The following MEF2B variants were observed in gnomAD, a reference collection of about 807,000 sequenced individuals.
The protein encoded by MEF2B is myocyte-specific enhancer factor 2B.
In MEF2B, 15 loss-of-function variants were observed where a neutral mutation model predicts 32.2. That is an observed-to-expected ratio of 0.47 (90% CI 0.31 to 0.72). MEF2B has a LOEUF of 0.72. Ranked by LOEUF, MEF2B falls within the 30% of genes least tolerant of loss-of-function variation. The pLI, the probability that MEF2B is intolerant of heterozygous loss-of-function variation, is 0.05. For missense variants in MEF2B, 441 were observed against 511.5 expected, an observed-to-expected ratio of 0.86 and a Z score of 1.33; for synonymous variants, 205 against 225.6, an observed-to-expected ratio of 0.91 and a Z score of 0.82.
intron 8 of MEF2B, 69 bp from the exon 9 acceptor site, chr19:19,146,091 A>G: frequency 7.7e-7 from 1 of 1,306,868 alleles, no homozygotes; most frequent in Non-Finnish European, 1.0e-6. Context: ...GGGATGGCAC[A>G]GCGTGGGCAA....
chr19:19,147,065 CG>C lies in MEF2B; in HGVS notation c.511del (p.Arg171AspfsTer52). ...GGGCCCGGCTTTGGGGGCTGCTGGT[CG>C]GAAGGGAGATGGGCGGCTCTGGGCG... is the stretch of plus-strand genomic sequence containing the variant. ...LPAQSRPSPFRPAAPKAGPPG... is the reference protein window; with the variant it reads ...LPAQSRPSPFXPAAPKAGPPG... On this transcript the variant is annotated frameshift_variant, in exon 5 of 9. Coordinates refer to ENST00000424583, the MANE Select transcript of MEF2B (RefSeq NM_001145785.2). LOFTEE classifies it high-confidence loss of function. 6.2e-7 allele frequency: 1 copy of C among 1,607,388 alleles called. No individual in the cohort carries two copies.
rs1406012133 is a variant in MEF2B at position 19,146,611 on chromosome 19, G to C, written c.713C>G (p.Thr238Ser). The change falls in exon 7 of 9, where the codon ACT becomes AGT. Residue 238 changes from threonine (T) to serine (S), a missense_variant. Around this residue, in one of 2 missense-constraint regions of MEF2B, gnomAD observed 326 missense variants for 328.4 expected, o/e 0.99. Transcript: ENST00000424583. Reference protein sequence around the residue: ...LYSGLQNPCSTATPGPPLGSF... With the variant: ...LYSGLQNPCSSATPGPPLGSF... ...CCCCAGTGGGGGTCCGGGAGTTGCA[G>C]TGGAGCAGGGGTTCTGCAGGCCACT... 6 of 1,609,684 alleles carry C rather than the reference G, an allele frequency of 3.7e-6. No homozygotes were observed. The highest frequency in any genetic ancestry group is 3.4e-5 in the Admixed American group (2 of 58,796).
At chr19:19,148,203 C>G (rs1341854171) in intron 3 of MEF2B, among the ~76,000 whole-genome samples, 1 of 152,258 alleles carries the variant, frequency 6.6e-6, no homozygotes, top group Non-Finnish European at 1.5e-5. Context: ...GTGGCTCACG[C>G]CTACAATCCC....
At position 19,147,689 on chromosome 19, in the gene MEF2B, G is replaced by A. The variant is rs1299337797; in HGVS notation, c.393+9C>T. 3 of 1,612,366 alleles carry A rather than the reference G, an allele frequency of 1.9e-6. No homozygotes were observed. Among genetic ancestry groups the A allele is most frequent in the Non-Finnish European group, 2.5e-6 (3 of 1,179,058 alleles). ...AATGCCTCATTCACAGGGCCAGGGA[G>A]TCACTTACATACAGCCGGGGTCGGG... On this transcript the variant is annotated intron_variant, in intron 4 of 8. Transcript: ENST00000424583.
At chr19:19,150,438 C>T (rs928453759) in intron 2 of MEF2B, among the ~76,000 whole-genome samples, 6 of 149,590 alleles carry the variant, frequency 4.0e-5, no homozygotes, top group Non-Finnish European at 7.4e-5. Context: ...GAGGAAGAAT[C>T]GTTTGAACCC....
At chr19:19,167,042 A>C (rs1034917680) in intron 1 of MEF2B, among the ~76,000 whole-genome samples, 1 of 149,212 alleles carries the variant, frequency 6.7e-6, no homozygotes, top group South Asian at 2.1e-4. Context: ...CATATTTATA[A>C]TTTTTTTTTT....
At chr19:19,157,278 T>G (rs1363072258) in intron 1 of MEF2B, 1 of 154,670 alleles carries the variant, frequency 6.5e-6, no homozygotes, top group African/African-American at 2.4e-5. Context: ...TGGGTCCAAG[T>G]TACACCTGAG....
intron 1 of MEF2B, among the ~76,000 whole-genome samples, chr19:19,165,553 T>A (rs575346136): frequency 6.6e-6 from 1 of 152,034 alleles, no homozygotes; most frequent in South Asian, 2.1e-4. Context: ...ACCCCACACA[T>A]CTGGGGTGGA....
At chr19:19,163,058 C>T (rs537997062) in intron 1 of MEF2B, among the ~76,000 whole-genome samples, 1 of 152,334 alleles carries the variant, frequency 6.6e-6, no homozygotes, top group African/African-American at 2.4e-5. Flanking sequence ...TGTCCAACCC[C>T]GGGACACCCT....
intron 1 of MEF2B, among the ~76,000 whole-genome samples, chr19:19,161,516 A>C (rs543752893): frequency 6.6e-6 from 1 of 151,876 alleles, no homozygotes; most frequent in South Asian, 2.1e-4. Flanking sequence ...CCCAAAACAC[A>C]TCCTATTCCC....
chr19:19,145,578 G>C lies in MEF2B; in HGVS notation c.*219C>G. The C allele has an allele frequency of 9.0e-7, 1 of 1,114,008 alleles. No individual in the cohort carries two copies. Among genetic ancestry groups the C allele is most frequent in the Non-Finnish European group, 1.2e-6 (1 of 802,076 alleles). 69.0% of individuals were successfully genotyped at this position (1,114,008 alleles called of 1,614,324 possible). On this transcript the variant is annotated 3_prime_UTR_variant, in exon 9 of 9. Coordinates refer to ENST00000424583, the MANE Select transcript of MEF2B (RefSeq NM_001145785.2). This position sits in a 1 kb window ranked among gnomAD's most constrained non-coding sequence, Gnocchi z 4.6. ...CGAGTCACAGTCAGTCTGGTCCACG[G>C]ACGCCACGCGCGTTTTATTTGTGGA... is the stretch of plus-strand genomic sequence containing the variant.
chr19:19,167,042 AT>A lies in MEF2B; in HGVS notation c.-30+3162del, dbSNP rs1051871436. On this transcript the variant is annotated intron_variant, in intron 1 of 8. Coordinates refer to ENST00000424583, the MANE Select transcript of MEF2B (RefSeq NM_001145785.2). ...AACATGACAAGACCCCATATTTATA[AT>A]TTTTTTTTTTAATTAGCTGGTCACA... Among the ~76,000 whole-genome samples the A allele has an allele frequency of 4.9e-3, 724 of 149,256 alleles. 6 individuals carry two copies. The highest frequency in any genetic ancestry group is 0.016 in the African/African-American group (671 of 40,776).
intron 3 of MEF2B, among the ~76,000 whole-genome samples, chr19:19,148,682 TA>T (rs1402676532): frequency 2.2e-5 from 1 of 46,398 alleles, no homozygotes; most frequent in Non-Finnish European, 6.1e-5. Context: ...TCCTCTGTCT[TA>T]TTTATTTATT....
chr19:19,153,587 G>T (rs1174408390), intron 1 of MEF2B, among the ~76,000 whole-genome samples: 1 of 151,990 alleles, frequency 6.6e-6, no homozygotes, highest in African/African-American at 2.4e-5. Flanking sequence ...CTCCCAAGTA[G>T]CTGCGATTAC....
rs550161775 is a variant in MEF2B, at chr19:19,146,500, G to C, written c.769+55C>G. On this transcript the variant is annotated intron_variant, in intron 7 of 8. Transcript: ENST00000424583. ...TGGGTGGGAGGGTGTGGAACCCCCA[G>C]AGGGCAGGAGTGCGGACGCTTCCCA... is the stretch of plus-strand genomic sequence containing the variant. 1.0e-3 allele frequency: 1,484 copies of C among 1,462,462 alleles called. 2 individuals carry two copies. Among genetic ancestry groups the C allele is most frequent in the Non-Finnish European group, 1.2e-3 (1,366 of 1,100,928 alleles). The allele number at this position is 1,462,462 out of a possible 1,614,324, so 90.6% of individuals were successfully genotyped here.
At chr19:19,149,908 T>C (rs11666960) in intron 2 of MEF2B, among the ~76,000 whole-genome samples, 42,629 of 149,952 alleles carry the variant, frequency 0.28, 6,297 homozygotes, top group Admixed American at 0.36. Flanking sequence ...GTGAGACCCC[T>C]GACTCTACTA....
chr19:19,149,735 C>A (rs1224824578), intron 2 of MEF2B, among the ~76,000 whole-genome samples: 1 of 151,426 alleles, frequency 6.6e-6, no homozygotes, highest in Non-Finnish European at 1.5e-5. Flanking sequence ...AGCTCCATCT[C>A]CCCTATGGCT....
intron 1 of MEF2B, among the ~76,000 whole-genome samples, chr19:19,154,586 G>A (rs1397063319): frequency 6.6e-6 from 1 of 152,168 alleles, no homozygotes; most frequent in Admixed American, 6.6e-5. Flanking sequence ...TGAGATTACA[G>A]GTGTGCACCA....
chr19:19,154,035 G>A (rs1226984028), intron 1 of MEF2B, among the ~76,000 whole-genome samples: 3 of 152,132 alleles, frequency 2.0e-5, no homozygotes, highest in Admixed American at 1.3e-4. Flanking sequence ...TTCCAGGTGT[G>A]AGCCACTGTA....
Sources: gnomAD v4.1 joint callset for allele counts (sites outside exome capture counted in the v4.1 genomes callset) on GRCh38, gnomAD v4.1.1 for gene constraint, gnomAD v4.1.1 regional missense constraint, Gnocchi (gnomAD v3.1) non-coding constraint, MANE v1.5 for transcripts, NCBI Gene and HGNC (gene_info 2026-07-23, HGNC 2026-07-21) for gene names.